Variants in CIROP observed in about 807,000 individuals in gnomAD.
CIROP encodes ciliated left-right organizer metallopeptidase.
At chr14:23,104,434 G>C in the CIROP span, 1 of 702,926 alleles carries the variant, frequency 1.4e-6, no homozygotes, top group African/African-American at 1.7e-5. Flanking sequence ...TGGCAATACT[G>C]TGCAGGGTCT....
the CIROP span, chr14:23,104,758 T>C: frequency 1.4e-6 from 1 of 702,832 alleles, no homozygotes; most frequent in Non-Finnish European, 2.6e-6. Flanking sequence ...TCACGGGAGC[T>C]AGGGAGGGTG....
the CIROP span, chr14:23,100,545 C>T: frequency 2.4e-6 from 1 of 411,398 alleles, no homozygotes; most frequent in Non-Finnish European, 4.4e-6. Flanking sequence ...TGATACACTT[C>T]TAGGGGTTTT....
the CIROP span, chr14:23,101,138 A>T: frequency 2.5e-6 from 1 of 401,740 alleles, no homozygotes; most frequent in Admixed American, 4.3e-5. Flanking sequence ...TCTTCCTTCT[A>T]AGGAAAATGT....
At chr14:23,104,865 G>C in the CIROP span, 2 of 697,916 alleles carry the variant, frequency 2.9e-6, no homozygotes, top group Non-Finnish European at 5.2e-6. Flanking sequence ...TCGGCTTGCA[G>C]CAACCCTGAG....
the CIROP span, chr14:23,102,425 G>A: frequency 1.4e-6 from 1 of 702,994 alleles, no homozygotes; most frequent in Non-Finnish European, 2.6e-6. Context: ...CTGGGGTGGT[G>A]AGAAGCAGTT....
chr14:23,103,436 C>T, the CIROP span: 1 of 455,520 alleles, frequency 2.2e-6, no homozygotes. Context: ...TGCCTGTAAT[C>T]CTAGCTACTC....
chr14:23,103,817 A>G, the CIROP span: 1 of 702,266 alleles, frequency 1.4e-6, no homozygotes, highest in African/African-American at 1.7e-5. Context: ...GGTGTCAGGA[A>G]TCTGGCAGGG....
chr14:23,099,543 T>C, the CIROP span: 5 of 394,070 alleles, frequency 1.3e-5, no homozygotes, highest in Admixed American at 2.4e-4. Flanking sequence ...CCTTAGTAGA[T>C]AAAGCGGCAT....
At chr14:23,100,924 AG>A in the CIROP span, 1 of 398,854 alleles carries the variant, frequency 2.5e-6, no homozygotes, top group African/African-American at 2.1e-5. Context: ...CCTTCCCCAG[AG>A]AGTGTCCTGG....
chr14:23,101,687 G>A, the CIROP span: 1 of 703,006 alleles, frequency 1.4e-6, no homozygotes. Context: ...CTAAGGGCTT[G>A]TACATGCGGC....
chr14:23,104,264 T>C, the CIROP span: 2 of 674,050 alleles, frequency 3.0e-6, no homozygotes, highest in Non-Finnish European at 2.7e-6. Flanking sequence ...GGCAACTCTC[T>C]CCTTTGTATC....
the CIROP span, chr14:23,101,281 A>C: frequency 2.1e-6 from 1 of 472,088 alleles, no homozygotes; most frequent in Non-Finnish European, 3.7e-6. Flanking sequence ...TACTACTCTT[A>C]TGGTACCCAC....
At chr14:23,104,482 G>C in the CIROP span, 3 of 702,876 alleles carry the variant, frequency 4.3e-6, no homozygotes, top group African/African-American at 1.7e-5. Flanking sequence ...GGAGGGACTT[G>C]ATAAGAAGTC....
the CIROP span, chr14:23,104,980 C>T: frequency 1.6e-6 from 1 of 632,752 alleles, no homozygotes; most frequent in Non-Finnish European, 2.8e-6. Context: ...CCCTTGTTCC[C>T]TGGCTCACTG....
At chr14:23,102,642 G>A in the CIROP span, 1 of 703,050 alleles carries the variant, frequency 1.4e-6, no homozygotes, top group Non-Finnish European at 2.6e-6. Context: ...TGAATCCTGA[G>A]GGGCAGTCTC....
the CIROP span, chr14:23,101,249 C>T: frequency 2.2e-6 from 1 of 450,780 alleles, no homozygotes; most frequent in East Asian, 3.2e-5. Flanking sequence ...TTCCCGACTT[C>T]TTTTTGCCAG....
At chr14:23,104,886 G>GGCAGCAGCAGCAGCA in the CIROP span, 5 of 453,908 alleles carry the variant, frequency 1.1e-5, no homozygotes, top group African/African-American at 2.2e-5. Flanking sequence ...GACTAGTGGC[G>GGCAGCAGCAGCAGCA]GCAGCAGCAG....
the CIROP span, chr14:23,102,746 G>T: frequency 5.7e-6 from 4 of 702,924 alleles, no homozygotes; most frequent in Non-Finnish European, 1.0e-5. Context: ...TAAGGGGGCC[G>T]AATTTGCAGC....
chr14:23,102,353 C>T, the CIROP span: 2 of 702,084 alleles, frequency 2.8e-6, no homozygotes. Flanking sequence ...CCTCTTCTTC[C>T]AAGGGAACAC....
Sources: gnomAD v4.1 joint callset for allele counts on GRCh38, gnomAD v4.1.1 for gene constraint, MANE v1.5 for transcripts, NCBI Gene and HGNC (gene_info 2026-07-23, HGNC 2026-07-21) for gene names.